The following GRIK2 variants were observed in gnomAD, a reference collection of about 807,000 sequenced individuals.
GRIK2 encodes the protein glutamate receptor ionotropic, kainate 2.
Under a neutral mutation model 100.3 loss-of-function variants are expected in GRIK2, and 32 were observed. That is an observed-to-expected ratio of 0.32 (90% CI 0.24 to 0.43). GRIK2 has a LOEUF of 0.43. Among genes scored for constraint, GRIK2 ranks in the 20% least tolerant of loss-of-function variants. The pLI is 1.00. For synonymous variants in GRIK2, 417 were observed against 389.4 expected (o/e 1.07, Z -0.83); for missense variants, 843 against 1,114.9 (o/e 0.76, Z 3.47).
chr6:101,598,177 T>C (rs1197930060), intron 2 of GRIK2, among the ~76,000 whole-genome samples: 1 of 151,744 alleles, frequency 6.6e-6, no homozygotes, highest in Non-Finnish European at 1.5e-5. Flanking sequence ...ACTTGTATTC[T>C]CTCTTGCTTG....
chr6:102,000,774 CTT>C (rs1362998567), intron 14 of GRIK2, among the ~76,000 whole-genome samples: 5 of 151,972 alleles, frequency 3.3e-5, no homozygotes, highest in African/African-American at 1.2e-4. Flanking sequence ...GTGTTTCTCT[CTT>C]TTGTTTCTGA....
intron 2 of GRIK2, among the ~76,000 whole-genome samples, chr6:101,422,291 T>C (rs1361168): frequency 0.7 from 105,980 of 151,990 alleles, 37,210 homozygotes; most frequent in East Asian, 0.92. Flanking sequence ...CAAGCTGCTC[T>C]TGGATTGTAT....
At chr6:101,702,456 T>C (rs1026479808) in intron 7 of GRIK2, among the ~76,000 whole-genome samples, 13 of 152,014 alleles carry the variant, frequency 8.6e-5, no homozygotes, top group African/African-American at 2.9e-4. Flanking sequence ...TTTGATTACT[T>C]TGGAAAATTA....
intron 15 of GRIK2, among the ~76,000 whole-genome samples, chr6:102,043,159 A>T (rs532351010): frequency 1.8e-4 from 28 of 151,904 alleles, no homozygotes; most frequent in South Asian, 6.2e-4. Context: ...ATTTAAAAAA[A>T]TTTTTTAAAC....
chr6:101,856,075 C>T (rs916169815), intron 10 of GRIK2, among the ~76,000 whole-genome samples: 1 of 152,098 alleles, frequency 6.6e-6, no homozygotes, highest in East Asian at 1.9e-4. Flanking sequence ...AGTGGTAGAA[C>T]AACAGGTTTT....
intron 14 of GRIK2, among the ~76,000 whole-genome samples, chr6:101,948,183 G>A (rs905483294): frequency 2.0e-5 from 3 of 152,052 alleles, no homozygotes; most frequent in Non-Finnish European, 4.4e-5. Context: ...ACAGGAAAAC[G>A]GAGTTAAGTT....
chr6:102,038,990 G>GTGGGAAA (rs1300273992), intron 15 of GRIK2, among the ~76,000 whole-genome samples: 1 of 151,282 alleles, frequency 6.6e-6, no homozygotes, highest in East Asian at 1.9e-4. Flanking sequence ...AATATTATGA[G>GTGGGAAA]TCTTTTTGAG....
intron 15 of GRIK2, among the ~76,000 whole-genome samples, chr6:102,037,209 G>GA (rs571085021): frequency 1.7e-4 from 26 of 150,780 alleles, no homozygotes; most frequent in Non-Finnish European, 2.8e-4. Context: ...TTATTGAAAT[G>GA]AAAAAAAACA....
chr6:101,830,158 C>T (rs1380219977), intron 10 of GRIK2, among the ~76,000 whole-genome samples: 1 of 151,872 alleles, frequency 6.6e-6, no homozygotes, highest in Admixed American at 6.6e-5. Flanking sequence ...ACAAAATCGA[C>T]AAAAACAAAT....
At chr6:101,853,515 G>C (rs1648072900) in intron 10 of GRIK2, among the ~76,000 whole-genome samples, 3 of 152,154 alleles carry the variant, frequency 2.0e-5, no homozygotes, top group African/African-American at 4.8e-5. Flanking sequence ...TGCCACTTTA[G>C]AAGACAGTTT....
At chr6:101,572,710 T>G (rs548419716) in intron 2 of GRIK2, among the ~76,000 whole-genome samples, 5 of 151,520 alleles carry the variant, frequency 3.3e-5, no homozygotes, top group African/African-American at 1.2e-4. Flanking sequence ...TCTGTACTAT[T>G]TTCTACCATA....
intron 2 of GRIK2, among the ~76,000 whole-genome samples, chr6:101,583,996 A>G (rs975729578): frequency 1.3e-5 from 2 of 152,102 alleles, no homozygotes; most frequent in Admixed American, 6.6e-5. Context: ...ATCATATACC[A>G]TCTGTCATTG....
chr6:101,895,214 G>A (rs1787363290), intron 12 of GRIK2, among the ~76,000 whole-genome samples: 1 of 151,674 alleles, frequency 6.6e-6, no homozygotes, highest in African/African-American at 2.4e-5. Context: ...TGTGTTACAT[G>A]CATAACATTT....
intron 9 of GRIK2, among the ~76,000 whole-genome samples, chr6:101,809,517 G>T (rs1373640987): frequency 2.0e-5 from 3 of 151,856 alleles, no homozygotes; most frequent in Non-Finnish European, 4.4e-5. Context: ...ATTAATTATA[G>T]ATTTCTAGAA....
chr6:101,449,617 A>T (rs1189156453), intron 2 of GRIK2, among the ~76,000 whole-genome samples: 7 of 151,744 alleles, frequency 4.6e-5, no homozygotes, highest in Non-Finnish European at 7.4e-5. Flanking sequence ...AGAGAGTATG[A>T]TCTAATGATA....
chr6:101,486,503 T>C (rs1392587994), intron 2 of GRIK2, among the ~76,000 whole-genome samples: 2 of 152,114 alleles, frequency 1.3e-5, no homozygotes. Context: ...ACTATTGTAA[T>C]GTAGAGCACC....
intron 4 of GRIK2, among the ~76,000 whole-genome samples, chr6:101,649,004 GA>G (rs1781660357): frequency 6.6e-6 from 1 of 152,024 alleles, no homozygotes; most frequent in South Asian, 2.1e-4. Flanking sequence ...CAGTATGGGG[GA>G]AACTGCCCCA....
At chr6:101,854,551 C>T (rs754746444) in intron 10 of GRIK2, among the ~76,000 whole-genome samples, 19 of 151,922 alleles carry the variant, frequency 1.3e-4, no homozygotes, top group Non-Finnish European at 1.0e-4. Context: ...TAAGCTGTGC[C>T]GCCCAGCCTA....
chr6:101,538,979 G>T (rs1187443663), intron 2 of GRIK2, among the ~76,000 whole-genome samples: 1 of 151,234 alleles, frequency 6.6e-6, no homozygotes, highest in African/African-American at 2.4e-5. Flanking sequence ...GAACGTGTCA[G>T]ATATAGTACC....
Sources: gnomAD v4.1 joint callset for allele counts (sites outside exome capture counted in the v4.1 genomes callset) on GRCh38, gnomAD v4.1.1 for gene constraint, MANE v1.5 for transcripts, NCBI Gene and HGNC (gene_info 2026-07-23, HGNC 2026-07-21) for gene names.